The following CASS4 variants were observed in gnomAD, a reference collection of about 807,000 sequenced individuals.
The protein encoded by CASS4 is Cas scaffold protein family member 4.
A neutral mutation model predicts 54.2 loss-of-function variants in CASS4; 22 were observed. The observed-to-expected ratio is 0.41, with a 90% CI of 0.29 to 0.58. The LOEUF (loss-of-function observed/expected upper bound fraction) is 0.58. Among genes scored for constraint, CASS4 ranks in the 20% least tolerant of loss-of-function variants. CASS4 has a pLI of 0.36. For synonymous variants in CASS4, 409 were observed against 391.5 expected (o/e 1.04, Z -0.53); for missense variants, 854 against 986.7 (o/e 0.87, Z 1.80).
chr20:56,455,981 T>C (rs1011968769), intron 5 of CASS4, among the ~76,000 whole-genome samples: 2 of 150,834 alleles, frequency 1.3e-5, no homozygotes, highest in Non-Finnish European at 3.0e-5. Context: ...TGGGCCCCGC[T>C]CTCAGAATTT....
At chr20:56,441,190 C>T (rs182327972) in intron 2 of CASS4, among the ~76,000 whole-genome samples, 34 of 151,506 alleles carry the variant, frequency 2.2e-4, no homozygotes, top group African/African-American at 8.0e-4. Flanking sequence ...GACAGGGTTT[C>T]GCCATGTTGG....
At chr20:56,426,144 G>A (rs1024664753) in intron 1 of CASS4, among the ~76,000 whole-genome samples, 1 of 152,200 alleles carries the variant, frequency 6.6e-6, no homozygotes, top group African/African-American at 2.4e-5. Context: ...AGAGTGGTTT[G>A]TAGGCTAAAA....
Position 56,414,345 on chromosome 20 carries a change from A to G in CASS4, c.36+1851A>G, listed in dbSNP as rs541154407. Among the ~76,000 whole-genome samples the G allele has an allele frequency of 6.6e-6, 1 of 152,210 alleles. No homozygotes were observed. Among genetic ancestry groups the G allele is most frequent in the South Asian group, 2.1e-4 (1 of 4,826 alleles). ...TTCATAACATTGACCTTTTTTCTAAACAGCCTAGATTTTTTATGATTTAGA... is the reference window on the plus strand; with the variant it reads ...TTCATAACATTGACCTTTTTTCTAAGCAGCCTAGATTTTTTATGATTTAGA... On this transcript the variant is annotated intron_variant, in intron 1 of 5. Coordinates refer to ENST00000679887, the MANE Select transcript of CASS4 (RefSeq NM_020356.4). This position sits in a 1 kb window ranked among gnomAD's most constrained non-coding sequence, Gnocchi z 4.1.
At chr20:56,432,957 T>C (rs140036604) in intron 1 of CASS4, among the ~76,000 whole-genome samples, 116 of 152,344 alleles carry the variant, frequency 7.6e-4, no homozygotes, top group African/African-American at 2.7e-3. Flanking sequence ...GCGCTCATCC[T>C]GGTGTTTGTG....
intron 1 of CASS4, among the ~76,000 whole-genome samples, chr20:56,422,763 G>A (rs1468967403): frequency 1.3e-5 from 2 of 152,236 alleles, no homozygotes; most frequent in African/African-American, 4.8e-5. Flanking sequence ...ACCAGTTAAA[G>A]TTTGCGTTTA....
chr20:56,423,978 G>A (rs143238032), intron 1 of CASS4, among the ~76,000 whole-genome samples: 125 of 152,186 alleles, frequency 8.2e-4, no homozygotes, highest in African/African-American at 3.0e-3. Flanking sequence ...TTTCAAAAAC[G>A]GGGCTGAAGC....
chr20:56,456,469 G>A (rs1192897160), intron 5 of CASS4, among the ~76,000 whole-genome samples: 1 of 152,036 alleles, frequency 6.6e-6, no homozygotes, highest in South Asian at 2.1e-4. Context: ...CGCCTCACAG[G>A]TTCGGGCGAT....
intron 2 of CASS4, among the ~76,000 whole-genome samples, chr20:56,444,991 TC>T (rs369451188): frequency 6.5e-4 from 99 of 152,090 alleles, no homozygotes; most frequent in African/African-American, 2.2e-3. Context: ...GTGCCTGTAG[TC>T]CCAGCTACTC....
intron 5 of CASS4, among the ~76,000 whole-genome samples, chr20:56,457,432 G>A (rs1162093094): frequency 6.6e-6 from 1 of 152,180 alleles, no homozygotes; most frequent in African/African-American, 2.4e-5. Flanking sequence ...TTGAGAGTAT[G>A]TAGGATTTGG....
Position 56,414,613 on chromosome 20 carries a change from T to C in CASS4, c.36+2119T>C, listed in dbSNP as rs1390304453. Among the ~76,000 whole-genome samples the C allele has an allele frequency of 6.6e-6, 1 of 151,974 alleles. No homozygotes were observed. Among genetic ancestry groups the C allele is most frequent in the Non-Finnish European group, 1.5e-5 (1 of 68,004 alleles). ...ATAACATGCATGTTTGCATAGAACA[T>C]ATAATTGATATTCCCAGCATCCCCA... On this transcript the variant is annotated intron_variant, in intron 1 of 5. Coordinates refer to ENST00000679887, the MANE Select transcript of CASS4 (RefSeq NM_020356.4). This position sits in a 1 kb window ranked among gnomAD's most constrained non-coding sequence, Gnocchi z 4.1.
At chr20:56,436,419 AACCCG>A (rs1980170784) in intron 1 of CASS4, among the ~76,000 whole-genome samples, 1 of 149,150 alleles carries the variant, frequency 6.7e-6, no homozygotes, top group South Asian at 2.1e-4. Context: ...TATATATATC[AACCCG>A]TCATATATAG....
intron 1 of CASS4, among the ~76,000 whole-genome samples, chr20:56,424,597 C>G (rs905613953): frequency 2.0e-5 from 3 of 151,782 alleles, no homozygotes; most frequent in African/African-American, 7.3e-5. Context: ...AAAAATTTGC[C>G]GGGTGTGGTG....
rs11467181 is a variant in CASS4 at position 56,443,469 on chromosome 20, C to CAAAAAAAAAAAAAAAAAAA, written c.460-2420_460-2419insAAAAAAAAAAAAAAAAAAA. ...GGGTGACAGAGCGAGACTCCGTCTC[C>CAAAAAAAAAAAAAAAAAAA]AAAAAAAAAAAGAAGCTTGGATTTC... On this transcript the variant is annotated intron_variant, in intron 2 of 5. Coordinates refer to ENST00000679887, the MANE Select transcript of CASS4 (RefSeq NM_020356.4). Among the ~76,000 whole-genome samples the CAAAAAAAAAAAAAAAAAAA allele has an allele frequency of 1.5e-3, 174 of 114,914 alleles. 6 individuals are homozygous for CAAAAAAAAAAAAAAAAAAA. The highest frequency in any genetic ancestry group is 3.6e-3 in the African/African-American group (99 of 27,474). 75.4% of individuals were successfully genotyped at this position (114,914 alleles called of 152,430 possible). A position where few individuals can be genotyped will look rare whatever the true frequency, so the allele number is the denominator to read the frequency against.
In CASS4 at chr20:56,452,126, C is replaced by T; in HGVS notation, c.950C>T (p.Pro317Leu). ...ATTCCTTCTTATGGCTTTCTTGTACCCAGAGGCACATTTCCTTTGGATGAA... is the reference window on the plus strand; with the variant it reads ...ATTCCTTCTTATGGCTTTCTTGTACTCAGAGGCACATTTCCTTTGGATGAA... Reference protein sequence around the residue: ...PEIPSYGFLVPRGTFPLDEDV... With the variant: ...PEIPSYGFLVLRGTFPLDEDV... The change falls in exon 5 of 6, where the codon CCC becomes CTC. Residue 317 changes from proline (P) to leucine (L), a missense_variant. By Grantham distance (98) the Pro-to-Leu change is moderately conservative. Transcript: ENST00000679887. 1 of 1,614,158 alleles carries T rather than the reference C, an allele frequency of 6.2e-7. No homozygotes were observed.
intron 1 of CASS4, among the ~76,000 whole-genome samples, chr20:56,432,900 G>GA (rs199963878): frequency 1.3e-5 from 2 of 152,108 alleles, no homozygotes; most frequent in African/African-American, 4.8e-5. Flanking sequence ...GTGGGCAGGG[G>GA]CGTCACAGAA....
Position 56,458,540 on chromosome 20 carries a change from C to CA in CASS4, c.2155dup (p.Thr719AsnfsTer34). 1 of 1,614,194 alleles carries CA rather than the reference C, an allele frequency of 6.2e-7. No individual in the cohort carries two copies. Among genetic ancestry groups the CA allele is most frequent in the South Asian group, 1.1e-5 (1 of 91,090 alleles). ...TCATGGTGGGACAGAAGCTGGTGGA[C>CA]ACGCTGTGCATGGAGACCCAGGAGA... On this transcript the variant is annotated frameshift_variant, in exon 6 of 6. Coordinates refer to ENST00000679887, the MANE Select transcript of CASS4 (RefSeq NM_020356.4). LOFTEE classifies it high-confidence loss of function.
intron 1 of CASS4, among the ~76,000 whole-genome samples, chr20:56,415,421 C>T (rs6024865): frequency 6.6e-6 from 1 of 152,110 alleles, no homozygotes; most frequent in South Asian, 2.1e-4. Context: ...TCTTGGGTGT[C>T]CCTACAGAAA....
chr20:56,412,381 C>CA lies in CASS4; in HGVS notation c.-77dup, dbSNP rs1978916196. 2 of 1,451,300 alleles carry CA rather than the reference C, an allele frequency of 1.4e-6. No individual in the cohort carries two copies. The highest frequency in any genetic ancestry group is 4.7e-5 in the East Asian group (2 of 42,728). 89.9% of individuals were successfully genotyped at this position (1,451,300 alleles called of 1,614,324 possible). On this transcript the variant is annotated 5_prime_UTR_variant, in exon 1 of 6. An upstream open reading frame in the 5' UTR loses its in-frame stop. Coordinates refer to ENST00000679887, the MANE Select transcript of CASS4 (RefSeq NM_020356.4). This position sits in a 1 kb window ranked among gnomAD's most constrained non-coding sequence, Gnocchi z 4.2. Reference sequence around the variant, plus strand: ...TTTCTGAGAACCAGCCAGAAGCATGCAGTGACATTGCACAATCTGCCTCTG... The same window carrying CA: ...TTTCTGAGAACCAGCCAGAAGCATGCAAGTGACATTGCACAATCTGCCTCTG...
Position 56,451,891 on chromosome 20 carries a change from A to C in CASS4, c.715A>C (p.Lys239Gln). 1.9e-6 allele frequency: 3 copies of C among 1,614,212 alleles called. No homozygotes were observed. The highest frequency in any genetic ancestry group is 2.5e-6 in the Non-Finnish European group (3 of 1,180,044). Residue 239 changes from lysine to glutamine, a missense_variant, in exon 5 of 6, where the codon AAA (lysine) becomes CAA (glutamine). Physicochemically the swap from Lys to Gln is moderately conservative, Grantham distance 53. Transcript: ENST00000679887. ...TTACAGCACATTACCAAATCCTCAG[A>C]AATCGGAATGGATTTATGACACTCC... The part of the protein sequence containing the change: ...GGYSTLPNPQ[K>Q]SEWIYDTPVS...
Sources: allele counts gnomAD v4.1 joint callset (sites outside exome capture counted in the v4.1 genomes callset), GRCh38; gene constraint gnomAD v4.1.1; non-coding constraint Gnocchi (gnomAD v3.1); transcripts MANE v1.5; gene names NCBI Gene and HGNC (gene_info 2026-07-23, HGNC 2026-07-21).